Variants in CDH7 observed in about 807,000 individuals in gnomAD.
CDH7 encodes cadherin 7.
In CDH7, 25 loss-of-function variants were observed where a neutral mutation model predicts 71.8. The ratio of observed to expected loss-of-function variants is 0.35; its 90% confidence interval spans 0.25 to 0.49. The LOEUF is 0.49. Among genes scored for constraint, CDH7 ranks in the 20% least tolerant of loss-of-function variants. CDH7 has a pLI of 0.99. For synonymous variants in CDH7, 381 were observed against 363.8 expected, an observed-to-expected ratio of 1.05 and a Z score of -0.54; for missense variants, 862 against 974.6, an observed-to-expected ratio of 0.88 and a Z score of 1.54.
chr18:65,760,289 G>A (rs375911458), intron 1 of CDH7, among the ~76,000 whole-genome samples: 17 of 152,206 alleles, frequency 1.1e-4, no homozygotes, highest in African/African-American at 2.4e-4. Flanking sequence ...TCTCTGGAAC[G>A]TCTTAGAATT....
At chr18:65,862,386 A>G in intron 10 of CDH7, among the ~76,000 whole-genome samples, 1 of 152,210 alleles carries the variant, frequency 6.6e-6, no homozygotes, top group East Asian at 1.9e-4. Flanking sequence ...TAAAGTTGCA[A>G]TTAATGTAAT....
At chr18:65,793,744 T>C (rs1200060023) in intron 2 of CDH7, among the ~76,000 whole-genome samples, 1 of 152,240 alleles carries the variant, frequency 6.6e-6, no homozygotes, top group Admixed American at 6.5e-5. Flanking sequence ...AGAAAACACA[T>C]GCAGTAGCAG....
chr18:65,879,339 G>C (rs1438967635), intron 11 of CDH7, among the ~76,000 whole-genome samples: 1 of 152,068 alleles, frequency 6.6e-6, no homozygotes, highest in Non-Finnish European at 1.5e-5. Context: ...TCCATATAAT[G>C]TACGTTATGG....
At chr18:65,790,889 A>C (rs1910690283) in intron 2 of CDH7, among the ~76,000 whole-genome samples, 1 of 151,968 alleles carries the variant, frequency 6.6e-6, no homozygotes, top group South Asian at 2.1e-4. Flanking sequence ...AAAATAAAAC[A>C]AACAAACAAA....
At chr18:65,850,316 T>A (rs1913103350) in intron 7 of CDH7, among the ~76,000 whole-genome samples, 1 of 151,368 alleles carries the variant, frequency 6.6e-6, no homozygotes, top group Admixed American at 6.6e-5. Flanking sequence ...TCATGTACTA[T>A]CCTCTTAACA....
chr18:65,824,077 G>C (rs1170329417), intron 5 of CDH7, among the ~76,000 whole-genome samples: 2 of 148,220 alleles, frequency 1.3e-5, no homozygotes, highest in Non-Finnish European at 3.0e-5. Context: ...TAGGCTCCCA[G>C]ACCATTGTGG....
chr18:65,765,792 T>C (rs1916343591), intron 2 of CDH7, among the ~76,000 whole-genome samples: 1 of 152,122 alleles, frequency 6.6e-6, no homozygotes, highest in African/African-American at 2.4e-5. Context: ...TTTTATTTTC[T>C]TGCTCTACCA....
chr18:65,824,521 A>G lies in CDH7; in HGVS notation c.794-123A>G. The G allele has an allele frequency of 9.3e-6, 5 of 535,520 alleles. No individual in the cohort carries two copies. In the South Asian group the frequency reaches 2.3e-4, roughly 24 times the overall value. The allele number at this position is 535,520 out of a possible 1,614,324, so 33.2% of individuals were successfully genotyped here. On this transcript the variant is annotated intron_variant, in intron 5 of 11. Coordinates refer to ENST00000397968, the MANE Select transcript of CDH7 (RefSeq NM_004361.5). The stretch of plus-strand genomic sequence containing the variant: ...CTCATCTTTTGTTTTCCATTACCTT[A>G]GCATATATTTTATTAAAAAATAAAA...
chr18:65,779,506 A>C (rs1325633158), intron 2 of CDH7, among the ~76,000 whole-genome samples: 3 of 68,196 alleles, frequency 4.4e-5, no homozygotes, highest in African/African-American at 1.9e-4. Flanking sequence ...TCCTGTGTCC[A>C]TGTGATCTCA....
chr18:65,855,123 A>G (rs955459750), intron 7 of CDH7, among the ~76,000 whole-genome samples: 24 of 151,954 alleles, frequency 1.6e-4, no homozygotes, highest in Admixed American at 7.2e-4. Context: ...GTATCTCCAA[A>G]CCTGTGATGA....
chr18:65,827,577 T>G (rs551791763), intron 6 of CDH7, among the ~76,000 whole-genome samples: 1 of 152,102 alleles, frequency 6.6e-6, no homozygotes, highest in South Asian at 2.1e-4. Flanking sequence ...ACACTGTTTA[T>G]ATGAACAATA....
intron 8 of CDH7, 46 bp from the exon 9 acceptor site, chr18:65,858,879 T>G: frequency 1.3e-6 from 2 of 1,576,516 alleles, no homozygotes; most frequent in Non-Finnish European, 1.7e-6. Context: ...GAATTGTGCT[T>G]TAGATGGGCA....
chr18:65,831,776 C>T (rs988529147), intron 6 of CDH7, among the ~76,000 whole-genome samples: 4 of 148,794 alleles, frequency 2.7e-5, no homozygotes, highest in African/African-American at 7.4e-5. Flanking sequence ...TTTTTGAATC[C>T]GAGTTGGAAG....
chr18:65,870,563 C>CT (rs922386320), intron 11 of CDH7, among the ~76,000 whole-genome samples: 1 of 152,142 alleles, frequency 6.6e-6, no homozygotes, highest in Non-Finnish European at 1.5e-5. Flanking sequence ...GCTTACCTCT[C>CT]TAAGGTATCA....
At chr18:65,841,741 TAAA>T (rs1383325886) in intron 6 of CDH7, among the ~76,000 whole-genome samples, 11 of 152,130 alleles carry the variant, frequency 7.2e-5, no homozygotes, top group Admixed American at 4.6e-4. Flanking sequence ...ACGAGCCTTC[TAAA>T]AATATATCTG....
chr18:65,852,722 G>T (rs569687368), intron 7 of CDH7, among the ~76,000 whole-genome samples: 1 of 152,058 alleles, frequency 6.6e-6, no homozygotes, highest in Non-Finnish European at 1.5e-5. Context: ...TTTTCAGAGG[G>T]ACATATGGCT....
Position 65,880,647 on chromosome 18 carries a change from A to G in CDH7, c.2111A>G (p.Asn704Ser), listed in dbSNP as rs1227741602. ...SRPAFKSIPDNVIFREFIWER... is the reference protein window; with the variant it reads ...SRPAFKSIPDSVIFREFIWER... The stretch of plus-strand genomic sequence containing the variant: ...CCAGCTTTTAAAAGCATCCCAGATA[A>G]TGTCATCTTTAGGGAATTTATTTGG... Residue 704 changes from asparagine to serine, a missense_variant, in exon 12 of 12, where the codon AAT (asparagine) becomes AGT (serine). Coordinates refer to ENST00000397968, the MANE Select transcript of CDH7 (RefSeq NM_004361.5). The G allele has an allele frequency of 6.2e-7, 1 of 1,614,006 alleles. No individual in the cohort carries two copies. Among genetic ancestry groups the G allele is most frequent in the Non-Finnish European group, 8.5e-7 (1 of 1,180,000 alleles).
chr18:65,805,163 A>G (rs1237923386), intron 2 of CDH7, among the ~76,000 whole-genome samples: 3 of 152,230 alleles, frequency 2.0e-5, no homozygotes, highest in Admixed American at 6.5e-5. Context: ...GGATATAAAA[A>G]TAACTAGATT....
At chr18:65,808,312 A>G (rs1911398858) in intron 2 of CDH7, among the ~76,000 whole-genome samples, 1 of 152,342 alleles carries the variant, frequency 6.6e-6, no homozygotes, top group Admixed American at 6.5e-5. Context: ...CCTTTGTATT[A>G]TAAATTAGAG....
Sources: allele counts gnomAD v4.1 joint callset (sites outside exome capture counted in the v4.1 genomes callset), GRCh38; gene constraint gnomAD v4.1.1; transcripts MANE v1.5; gene names NCBI Gene and HGNC (gene_info 2026-07-23, HGNC 2026-07-21).